The following MAF variants were observed in gnomAD, a reference collection of about 807,000 sequenced individuals.
The protein encoded by MAF is transcription factor Maf.
A neutral mutation model predicts 22.0 loss-of-function variants in MAF; 10 were observed. That is an observed-to-expected ratio of 0.45 (90% CI 0.28 to 0.77). The LOEUF is 0.77. Ranked by LOEUF, MAF falls within the 30% of genes least tolerant of loss-of-function variation. MAF has a pLI of 0.12. For missense variants in MAF, 544 were observed against 548.4 expected (o/e 0.99, Z 0.08); for synonymous variants, 337 against 255.8 (o/e 1.32, Z -3.03).
At chr16:79,468,834 G>C in the MAF span, among the ~76,000 whole-genome samples, 1 of 152,176 alleles carries the variant, frequency 6.6e-6, no homozygotes, top group Non-Finnish European at 1.5e-5. Context: ...GGCTATTCTT[G>C]TCCTTGGTCA....
chr16:79,254,994 T>C, the MAF span, among the ~76,000 whole-genome samples: 2 of 152,190 alleles, frequency 1.3e-5, no homozygotes, highest in African/African-American at 2.4e-5. Context: ...GCTGTAATAT[T>C]TCACTGCTAA....
chr16:79,243,228 C>CA, the MAF span, among the ~76,000 whole-genome samples: 4 of 151,614 alleles, frequency 2.6e-5, no homozygotes, highest in Admixed American at 1.3e-4. Flanking sequence ...GATAGAGACA[C>CA]AAAAAACCCT....
At chr16:79,321,229 G>A in the MAF span, among the ~76,000 whole-genome samples, 46 of 152,252 alleles carry the variant, frequency 3.0e-4, 1 homozygote, top group East Asian at 6.2e-3. Context: ...GGGAGGTGTC[G>A]GAGTGGATGG....
the MAF span, among the ~76,000 whole-genome samples, chr16:79,425,094 AGAT>A: frequency 6.6e-6 from 1 of 152,170 alleles, no homozygotes; most frequent in Non-Finnish European, 1.5e-5. Flanking sequence ...ATATACCCAA[AGAT>A]GATGAATACT....
the MAF span, among the ~76,000 whole-genome samples, chr16:79,399,659 T>C: frequency 6.6e-6 from 1 of 152,048 alleles, no homozygotes. Context: ...GAACCAATGA[T>C]ACAGTTTCCA....
chr16:79,322,485 A>T, the MAF span, among the ~76,000 whole-genome samples: 1 of 152,188 alleles, frequency 6.6e-6, no homozygotes, highest in Non-Finnish European at 1.5e-5. Context: ...GTGCCCAGGA[A>T]TTCTTTGCCA....
chr16:79,261,319 A>AT, the MAF span, among the ~76,000 whole-genome samples: 5 of 149,392 alleles, frequency 3.3e-5, no homozygotes, highest in Non-Finnish European at 7.4e-5. Flanking sequence ...CGCCCAACTA[A>AT]TTTTTGTAGT....
chr16:79,206,568 C>T, the MAF span: 1 of 152,196 alleles, frequency 6.6e-6, no homozygotes, highest in Non-Finnish European at 1.5e-5. Context: ...TCAATAAATG[C>T]TAGTCATTGA....
At chr16:79,351,928 G>C in the MAF span, among the ~76,000 whole-genome samples, 7 of 152,172 alleles carry the variant, frequency 4.6e-5, no homozygotes, top group South Asian at 1.5e-3. Flanking sequence ...AAAAAGCCAA[G>C]CCACTAGTTT....
downstream of MAF, among the ~76,000 whole-genome samples, chr16:79,592,424 G>A (rs575583372): frequency 6.6e-6 from 1 of 152,160 alleles, no homozygotes; most frequent in Non-Finnish European, 1.5e-5. Context: ...CCTTTTCTGG[G>A]GCTGTTTGAT....
At chr16:79,483,002 C>T in the MAF span, among the ~76,000 whole-genome samples, 9 of 32,426 alleles carry the variant, frequency 2.8e-4, no homozygotes, top group African/African-American at 1.1e-3. Flanking sequence ...CTCACTCCCT[C>T]CTTCCCTCCC....
chr16:79,353,667 T>C, the MAF span, among the ~76,000 whole-genome samples: 5 of 152,206 alleles, frequency 3.3e-5, no homozygotes, highest in East Asian at 9.7e-4. Context: ...TGGGCTGCTA[T>C]TTTTCTGCCT....
At chr16:79,331,864 G>A in the MAF span, among the ~76,000 whole-genome samples, 2 of 152,098 alleles carry the variant, frequency 1.3e-5, no homozygotes, top group East Asian at 1.9e-4. Context: ...CTACTTCTCT[G>A]CTCTAAGCAT....
the MAF span, among the ~76,000 whole-genome samples, chr16:79,542,309 C>A: frequency 1.3e-5 from 2 of 152,246 alleles, no homozygotes; most frequent in Admixed American, 6.5e-5. Context: ...GGTGGCCTCT[C>A]GCTAGCTAGG....
chr16:79,206,792 G>C, the MAF span: 1 of 152,140 alleles, frequency 6.6e-6, no homozygotes, highest in East Asian at 1.9e-4. Context: ...TGACTTACTG[G>C]TGTGGTCACC....
the MAF span, among the ~76,000 whole-genome samples, chr16:79,334,838 A>AGT: frequency 1.1e-3 from 156 of 147,212 alleles, 1 homozygote; most frequent in African/African-American, 2.8e-3. Context: ...ACGTCAATAA[A>AGT]GTGTGTGTGT....
chr16:79,391,639 C>T, the MAF span, among the ~76,000 whole-genome samples: 2 of 152,078 alleles, frequency 1.3e-5, no homozygotes, highest in Admixed American at 6.6e-5. Flanking sequence ...CAGGTCCCCC[C>T]GGGGTCGGCT....
chr16:79,224,442 A>C, the MAF span, among the ~76,000 whole-genome samples: 1 of 152,198 alleles, frequency 6.6e-6, no homozygotes, highest in African/African-American at 2.4e-5. Flanking sequence ...CCTTTTGAAA[A>C]CCTGCACAAG....
intron 1 of MAF, among the ~76,000 whole-genome samples, chr16:79,588,007 A>G (rs2143710104): frequency 6.6e-6 from 1 of 152,262 alleles, no homozygotes; most frequent in Admixed American, 6.5e-5. Context: ...CATCGGGGTA[A>G]GAGAGATTTT....
Sources: allele counts gnomAD v4.1 joint callset (sites outside exome capture counted in the v4.1 genomes callset), GRCh38; gene constraint gnomAD v4.1.1; transcripts MANE v1.5; gene names NCBI Gene and HGNC (gene_info 2026-07-23, HGNC 2026-07-21).